The following TMEM132D variants were observed in gnomAD, a reference collection of about 807,000 sequenced individuals.
TMEM132D encodes mature OL transmembrane protein.
A neutral mutation model predicts 62.3 loss-of-function variants in TMEM132D; 21 were observed. The ratio of observed to expected loss-of-function variants is 0.34; its 90% CI spans 0.24 to 0.49. TMEM132D has a LOEUF of 0.49. TMEM132D is among the 20% of genes least tolerant of loss of function. TMEM132D has a pLI of 0.99. For missense variants in TMEM132D, 1,346 were observed against 1,402.8 expected (o/e 0.96, Z 0.65); for synonymous variants, 621 against 575.6 (o/e 1.08, Z -1.13).
chr12:129,703,876 T>TC (rs1881441728), intron 1 of TMEM132D, among the ~76,000 whole-genome samples: 1 of 149,692 alleles, frequency 6.7e-6, no homozygotes, highest in Non-Finnish European at 1.5e-5. Context: ...CTCTCAGTTT[T>TC]CCCCTATGTG....
chr12:129,739,265 T>C (rs1006910728), intron 1 of TMEM132D, among the ~76,000 whole-genome samples: 23 of 152,170 alleles, frequency 1.5e-4, no homozygotes, highest in African/African-American at 5.3e-4. Context: ...TCAACACACA[T>C]CCAACTTCAC....
chr12:129,848,256 T>C (rs1593185199), intron 1 of TMEM132D, among the ~76,000 whole-genome samples: 1 of 152,214 alleles, frequency 6.6e-6, no homozygotes, highest in East Asian at 1.9e-4. Context: ...CGTTTCCTAA[T>C]GGTTCCTTTA....
chr12:129,743,174 T>C (rs1869660580), intron 1 of TMEM132D, among the ~76,000 whole-genome samples: 1 of 152,244 alleles, frequency 6.6e-6, no homozygotes, highest in African/African-American at 2.4e-5. Context: ...ACAGCCTCTG[T>C]AGTACTGGAA....
chr12:129,167,384 G>A (rs1418829759), intron 5 of TMEM132D, among the ~76,000 whole-genome samples: 1 of 152,148 alleles, frequency 6.6e-6, no homozygotes. Flanking sequence ...GTGGCTGTTG[G>A]CTTCCCCACG....
At chr12:129,360,151 C>T (rs930589765) in intron 3 of TMEM132D, among the ~76,000 whole-genome samples, 2 of 152,244 alleles carry the variant, frequency 1.3e-5, no homozygotes, top group East Asian at 3.9e-4. Flanking sequence ...CAGGCCCTGC[C>T]TATCTATAAT....
At chr12:129,786,654 G>A (rs1871255431) in intron 1 of TMEM132D, among the ~76,000 whole-genome samples, 2 of 152,320 alleles carry the variant, frequency 1.3e-5, no homozygotes, top group East Asian at 1.9e-4. Flanking sequence ...ACTCTGGGAG[G>A]CCAAGGCGGG....
chr12:129,524,590 C>T (rs2137083765), intron 3 of TMEM132D, among the ~76,000 whole-genome samples: 1 of 152,300 alleles, frequency 6.6e-6, no homozygotes, highest in South Asian at 2.1e-4. Context: ...GCTGCAATTA[C>T]AGCCCTGTAT....
chr12:129,754,461 A>C (rs142052770), intron 1 of TMEM132D, among the ~76,000 whole-genome samples: 1 of 152,172 alleles, frequency 6.6e-6, no homozygotes, highest in African/African-American at 2.4e-5. Flanking sequence ...AAAAGAGTTC[A>C]TGCTCTGAAA....
In TMEM132D at chr12:129,680,925, T is replaced by G. The variant is rs74600563; in HGVS notation, c.968+18885A>C. On this transcript the variant is annotated intron_variant, in intron 2 of 8. Transcript: ENST00000422113. ...TGGACCCACAGGTGGAGGAACAATT[T>G]GGCATGAGTAGGGACAGTGGCATGA... Among the ~76,000 whole-genome samples the G allele has an allele frequency of 2.3e-3, 356 of 152,282 alleles. 2 individuals carry two copies. The highest frequency in any genetic ancestry group is 2.8e-3 in the Non-Finnish European group (190 of 68,020).
intron 5 of TMEM132D, among the ~76,000 whole-genome samples, chr12:129,197,126 A>G (rs1878571178): frequency 6.6e-6 from 1 of 152,200 alleles, no homozygotes; most frequent in Non-Finnish European, 1.5e-5. Flanking sequence ...AAAAGCAGCT[A>G]CTAACAAGAT....
chr12:129,730,390 T>C (rs1252602911), intron 1 of TMEM132D, among the ~76,000 whole-genome samples: 1 of 152,214 alleles, frequency 6.6e-6, no homozygotes, highest in Non-Finnish European at 1.5e-5. Flanking sequence ...TCCAGGGGTA[T>C]GCTCCCTGAG....
chr12:129,107,223 TG>T (rs1158090945), intron 5 of TMEM132D, among the ~76,000 whole-genome samples: 2 of 152,198 alleles, frequency 1.3e-5, no homozygotes, highest in Non-Finnish European at 2.9e-5. Flanking sequence ...CTGAAACCAG[TG>T]GTTCTCAGTC....
intron 2 of TMEM132D, among the ~76,000 whole-genome samples, chr12:129,614,728 C>A (rs1045087515): frequency 1.3e-5 from 2 of 152,188 alleles, no homozygotes; most frequent in African/African-American, 4.8e-5. Flanking sequence ...CACACACACG[C>A]CCCGCCTAAC....
chr12:129,629,417 C>T (rs906213698), intron 2 of TMEM132D, among the ~76,000 whole-genome samples: 8 of 152,206 alleles, frequency 5.3e-5, no homozygotes, highest in Non-Finnish European at 1.0e-4. Flanking sequence ...CAGAGTTATA[C>T]TCAACAGAGA....
At chr12:129,106,161 G>A (rs7975380) in intron 5 of TMEM132D, among the ~76,000 whole-genome samples, 26,535 of 150,264 alleles carry the variant, frequency 0.18, 2,651 homozygotes, top group Non-Finnish European at 0.21. Context: ...GTAAACTATC[G>A]TAAGAACAAA....
intron 1 of TMEM132D, among the ~76,000 whole-genome samples, chr12:129,762,194 C>T (rs998494171): frequency 6.6e-6 from 1 of 151,944 alleles, no homozygotes; most frequent in Admixed American, 6.6e-5. Flanking sequence ...CTGTCTAAAC[C>T]GATTTGAGCT....
rs148912755 is a variant in TMEM132D, at chr12:129,559,540, A to G, written c.969-28335T>C. On this transcript the variant is annotated intron_variant, in intron 2 of 8. Transcript: ENST00000422113. Reference sequence around the variant, plus strand: ...AGCCTGTGAGTCTTACGCACATGTAATATTTTACGTGTGTGAGAGGTTTCA... The same window carrying G: ...AGCCTGTGAGTCTTACGCACATGTAGTATTTTACGTGTGTGAGAGGTTTCA... Among the ~76,000 whole-genome samples the G allele has an allele frequency of 4.3e-4, 66 of 152,324 alleles. No homozygotes were observed. The East Asian group carries it at 0.012, about 28-fold the overall frequency.
At position 129,214,351 on chromosome 12, in the gene TMEM132D, T is replaced by C. The variant is rs563785764; in HGVS notation, c.1300-4688A>G. On this transcript the variant is annotated intron_variant, in intron 4 of 8. Transcript: ENST00000422113. ...CTTCAAGTATCAGCATAGTCATTTA[T>C]TCATGTTGACCTTTGAAAATTAATT... is the stretch of plus-strand genomic sequence containing the variant. Among the ~76,000 whole-genome samples, 7 of 152,364 alleles carry C rather than the reference T, an allele frequency of 4.6e-5. No homozygotes were observed. The South Asian group carries it at 1.4e-3, about 32-fold the overall frequency.
At chr12:129,866,640 A>T (rs1874071013) in intron 1 of TMEM132D, among the ~76,000 whole-genome samples, 1 of 152,182 alleles carries the variant, frequency 6.6e-6, no homozygotes, top group Non-Finnish European at 1.5e-5. Flanking sequence ...GACAGGATGT[A>T]GAAAAGAGAG....
Sources: gnomAD v4.1 joint callset for allele counts (sites outside exome capture counted in the v4.1 genomes callset) on GRCh38, gnomAD v4.1.1 for gene constraint, MANE v1.5 for transcripts, NCBI Gene and HGNC (gene_info 2026-07-23, HGNC 2026-07-21) for gene names.